The following FOCAD variants were observed in gnomAD, a reference collection of about 807,000 sequenced individuals.
The protein encoded by FOCAD is KIAA1797.
A neutral mutation model predicts 225.6 loss-of-function variants in FOCAD; 198 were observed. That is an observed-to-expected ratio of 0.88 (90% CI 0.78 to 0.99). The LOEUF is 0.99. Ranked by LOEUF, FOCAD falls within the 50% of genes least tolerant of loss-of-function variation. The probability of loss-of-function intolerance (pLI) is 0.00; values close to 1 mark genes in which losing one functional copy is unlikely to be tolerated. For missense variants in FOCAD, 2,713 were observed against 2,123.6 expected, an observed-to-expected ratio of 1.28 and a Z score of -5.46; for synonymous variants, 897 against 755.0, an observed-to-expected ratio of 1.19 and a Z score of -3.08.
chr9:20,814,394 C>T (rs1050072456), intron 11 of FOCAD, among the ~76,000 whole-genome samples: 2 of 150,760 alleles, frequency 1.3e-5, no homozygotes, highest in Admixed American at 6.6e-5. Flanking sequence ...CTCACTCTGT[C>T]GCCCAGGCTG....
At chr9:20,843,190 A>C (rs1429201498) in intron 15 of FOCAD, among the ~76,000 whole-genome samples, 1 of 152,072 alleles carries the variant, frequency 6.6e-6, no homozygotes, top group African/African-American at 2.4e-5. Flanking sequence ...TGTACTTACT[A>C]TTAACAGTGA....
At chr9:20,872,817 A>G (rs1207856103) in intron 18 of FOCAD, 1 of 151,794 alleles carries the variant, frequency 6.6e-6, no homozygotes. Context: ...AGTCTCCATT[A>G]CTCCATTCCC....
intron 1 of FOCAD, among the ~76,000 whole-genome samples, chr9:20,709,550 C>T (rs548711121): frequency 2.1e-4 from 32 of 151,104 alleles, no homozygotes; most frequent in African/African-American, 7.8e-4. Flanking sequence ...ACTACACTTG[C>T]CAATGCTAAA....
intron 15 of FOCAD, among the ~76,000 whole-genome samples, chr9:20,823,916 T>C (rs1190806068): frequency 2.0e-5 from 3 of 152,136 alleles, no homozygotes; most frequent in Non-Finnish European, 2.9e-5. Flanking sequence ...TTAACAACTC[T>C]GCAGTATAGG....
chr9:20,765,829 G>C (rs1183021742), intron 7 of FOCAD, among the ~76,000 whole-genome samples: 1 of 152,132 alleles, frequency 6.6e-6, no homozygotes, highest in Non-Finnish European at 1.5e-5. Flanking sequence ...CTATTTGCCT[G>C]GAATCGCAGC....
intron 15 of FOCAD, among the ~76,000 whole-genome samples, chr9:20,857,372 C>G (rs1344445180): frequency 6.6e-6 from 1 of 150,864 alleles, no homozygotes; most frequent in African/African-American, 2.4e-5. Context: ...AAATGGAATT[C>G]CTTTCTTGGT....
At chr9:20,848,371 T>C (rs576399056) in intron 15 of FOCAD, among the ~76,000 whole-genome samples, 2 of 152,074 alleles carry the variant, frequency 1.3e-5, no homozygotes, top group Non-Finnish European at 2.9e-5. Flanking sequence ...AGAGGTCTCA[T>C]GGCCTACAGT....
chr9:20,882,460 C>G (rs544647143), intron 20 of FOCAD, among the ~76,000 whole-genome samples: 1 of 152,288 alleles, frequency 6.6e-6, no homozygotes, highest in African/African-American at 2.4e-5. Context: ...CTGAAAGCTT[C>G]TGAAAGGCAA....
intron 22 of FOCAD, among the ~76,000 whole-genome samples, chr9:20,910,121 T>C (rs1175992760): frequency 1.3e-5 from 2 of 152,106 alleles, no homozygotes; most frequent in East Asian, 3.9e-4. Context: ...GGTTTTTAAC[T>C]ATAAATATAT....
chr9:20,777,011 G>C (rs1475928818), intron 8 of FOCAD, among the ~76,000 whole-genome samples: 3 of 152,136 alleles, frequency 2.0e-5, no homozygotes, highest in African/African-American at 7.2e-5. Flanking sequence ...TCAAAACAAT[G>C]AACACATATA....
intron 2 of FOCAD, among the ~76,000 whole-genome samples, chr9:20,676,685 T>C (rs1563869746): frequency 4.6e-5 from 7 of 152,186 alleles, no homozygotes; most frequent in Admixed American, 3.9e-4. Context: ...CAATAGCATT[T>C]TTGGATTTCA....
At chr9:20,919,857 C>T (rs1456654319) in intron 24 of FOCAD, among the ~76,000 whole-genome samples, 3 of 151,894 alleles carry the variant, frequency 2.0e-5, no homozygotes, top group African/African-American at 7.3e-5. Context: ...ACCATAAAAA[C>T]CCTAGAAGAA....
rs148286317 is a variant in FOCAD, at chr9:20,882,165, A to G, written c.2503+109A>G. ...TGGCAGGGTGTTGCTGCTGCTACTA[A>G]CATGTGGATAAATTATAAAAATCAT... is the stretch of plus-strand genomic sequence containing the variant. On this transcript the variant is annotated intron_variant, in intron 20 of 43. Transcript: ENST00000338382. 3.8e-5 allele frequency: 34 copies of G among 890,676 alleles called. No individual in the cohort carries two copies. In the Middle Eastern group the frequency reaches 2.0e-3, roughly 52 times the overall value. 55.2% of individuals were successfully genotyped at this position (890,676 alleles called of 1,614,324 possible).
intron 29 of FOCAD, among the ~76,000 whole-genome samples, chr9:20,946,219 G>T (rs1331825658): frequency 3.3e-5 from 5 of 152,032 alleles, no homozygotes; most frequent in African/African-American, 1.2e-4. Context: ...TCCTGTTCCA[G>T]TTATGCTCCA....
At chr9:20,916,863 ACT>A (rs759641670) in intron 23 of FOCAD, 28 bp from the exon 24 acceptor site, 1 of 1,583,360 alleles carries the variant, frequency 6.3e-7, no homozygotes, top group South Asian at 1.2e-5. Flanking sequence ...TCTAACATAA[ACT>A]CTCGTCTATT....
intron 19 of FOCAD, 167 bp downstream of exon 19, chr9:20,874,974 T>C (rs929123534): frequency 4.7e-6 from 4 of 852,880 alleles, no homozygotes; most frequent in Admixed American, 2.6e-5. Flanking sequence ...TGAGGTAGTA[T>C]GGTGTTTAAA....
At chr9:20,963,587 G>C (rs1412915968) in intron 35 of FOCAD, among the ~76,000 whole-genome samples, 3 of 152,174 alleles carry the variant, frequency 2.0e-5, no homozygotes, top group African/African-American at 7.2e-5. Flanking sequence ...GATTTCCAGT[G>C]CAGAATTGGA....
chr9:20,973,161 C>T (rs1420682745), intron 35 of FOCAD, among the ~76,000 whole-genome samples: 2 of 151,402 alleles, frequency 1.3e-5, no homozygotes, highest in African/African-American at 4.9e-5. Flanking sequence ...TCCTGTGCTT[C>T]TCCTTTCTGC....
intron 1 of FOCAD, among the ~76,000 whole-genome samples, chr9:20,704,394 T>C (rs1442273459): frequency 6.6e-6 from 1 of 152,228 alleles, no homozygotes; most frequent in African/African-American, 2.4e-5. Flanking sequence ...TACATGAATT[T>C]AGTAATTTAG....
Sources: gnomAD v4.1 joint callset for allele counts (sites outside exome capture counted in the v4.1 genomes callset) on GRCh38, gnomAD v4.1.1 for gene constraint, MANE v1.5 for transcripts, NCBI Gene and HGNC (gene_info 2026-07-23, HGNC 2026-07-21) for gene names.